PLD5: variants seen among roughly 807,000 people sequenced by gnomAD.
PLD5 encodes phospholipase D family member 5, also known as inactive phospholipase D5.
Under a neutral mutation model 61.1 loss-of-function variants are expected in PLD5, and 36 were observed. The ratio of observed to expected loss-of-function variants is 0.59; its 90% CI spans 0.45 to 0.78. The LOEUF (loss-of-function observed/expected upper bound fraction) is 0.78. PLD5 is among the 30% of genes least tolerant of loss of function. PLD5 has a pLI of 0.00. For synonymous variants in PLD5, 243 were observed against 242.8 expected (o/e 1.00, Z -0.01); for missense variants, 515 against 644.4 (o/e 0.80, Z 2.17).
At chr1:242,463,266 C>T (rs995407141) in intron 1 of PLD5, among the ~76,000 whole-genome samples, 4 of 152,222 alleles carry the variant, frequency 2.6e-5, no homozygotes, top group Non-Finnish European at 4.4e-5. Context: ...TCAGTAGAGA[C>T]ACTCGCTTGT....
chr1:242,509,862 G>T (rs913000290), intron 1 of PLD5, among the ~76,000 whole-genome samples: 4 of 152,158 alleles, frequency 2.6e-5, no homozygotes, highest in African/African-American at 4.8e-5. Flanking sequence ...CGAGCAGGCT[G>T]ATCAGTGTGG....
chr1:242,318,125 G>T (rs1658137519), intron 2 of PLD5, among the ~76,000 whole-genome samples: 1 of 152,230 alleles, frequency 6.6e-6, no homozygotes, highest in South Asian at 2.1e-4. Context: ...AACAAAAAGG[G>T]AGTAATAATG....
At chr1:242,248,421 T>G (rs1465217517) in intron 4 of PLD5, among the ~76,000 whole-genome samples, 1 of 151,926 alleles carries the variant, frequency 6.6e-6, no homozygotes, top group Non-Finnish European at 1.5e-5. Flanking sequence ...GTTCTGCACA[T>G]GTATCCCAGA....
chr1:242,513,043 C>A (rs978872776), intron 1 of PLD5, among the ~76,000 whole-genome samples: 2 of 151,898 alleles, frequency 1.3e-5, no homozygotes, highest in Non-Finnish European at 2.9e-5. Flanking sequence ...CCACGCCTGG[C>A]TAATTTTTTA....
rs917924296 is a variant in PLD5 at position 242,256,715 on chromosome 1, T to C, written c.607+8622A>G. On this transcript the variant is annotated intron_variant, in intron 4 of 9. Coordinates refer to ENST00000536534, the MANE Select transcript of PLD5 (RefSeq NM_001372062.1). This position sits in a 1 kb window ranked among gnomAD's most constrained non-coding sequence, Gnocchi z 5.7. The stretch of plus-strand genomic sequence containing the variant: ...TTCTTTATAAATTGCCCAGTCTCAG[T>C]TATTACAGCAGCACAAATGAACTAA... 2.0e-5 allele frequency among the ~76,000 whole-genome samples: 3 copies of C among 152,162 alleles called. No individual in the cohort carries two copies. The highest frequency in any genetic ancestry group is 6.5e-5 in the Admixed American group (1 of 15,268).
chr1:242,389,176 C>T (rs915211381), intron 1 of PLD5, among the ~76,000 whole-genome samples: 3 of 151,990 alleles, frequency 2.0e-5, no homozygotes, highest in Non-Finnish European at 4.4e-5. Flanking sequence ...CTGCAAGCCA[C>T]TTTTCAACTG....
intron 1 of PLD5, among the ~76,000 whole-genome samples, chr1:242,420,772 G>A (rs867518613): frequency 9.9e-5 from 15 of 152,136 alleles, no homozygotes; most frequent in African/African-American, 3.4e-4. Flanking sequence ...AAAGGTTCGA[G>A]AAATTCCTTT....
chr1:242,381,375 C>T (rs1662267228), intron 1 of PLD5, among the ~76,000 whole-genome samples: 1 of 152,040 alleles, frequency 6.6e-6, no homozygotes, highest in Admixed American at 6.6e-5. Flanking sequence ...GGAAACAACA[C>T]ACACTAGGGC....
chr1:242,415,441 C>T (rs1326259451), intron 1 of PLD5, among the ~76,000 whole-genome samples: 2 of 152,092 alleles, frequency 1.3e-5, no homozygotes, highest in Admixed American at 6.6e-5. Flanking sequence ...ATTGGCCTCC[C>T]CATTCCATCA....
rs374810811 is a variant in PLD5 at position 242,348,168 on chromosome 1, G to T, written c.264C>A (p.Ala88=). The change falls in exon 2 of 10, where the codon GCC becomes GCA. Residue 88 remains alanine (A), a synonymous_variant. Coordinates refer to ENST00000536534, the MANE Select transcript of PLD5 (RefSeq NM_001372062.1). The part of the protein sequence containing the change: ...FAILVALIFS[A]VDIMGEDEDG... ...CCTCATCCTCTCCCATGATGTCCAC[G>T]GCTGAAAAGATCAGTGCAACCAGAA... 5.6e-6 allele frequency: 9 copies of T among 1,613,494 alleles called. No homozygotes were observed. The highest frequency in any genetic ancestry group is 6.8e-6 in the Non-Finnish European group (8 of 1,179,852).
At chr1:242,100,598 G>T (rs1435747891) in intron 9 of PLD5, 70 bp downstream of exon 9, 2 of 1,141,506 alleles carry the variant, frequency 1.8e-6, no homozygotes, top group Admixed American at 1.8e-5. Context: ...AGGGGATACC[G>T]TGGAGCACAG....
intron 1 of PLD5, among the ~76,000 whole-genome samples, chr1:242,423,292 T>G (rs548974451): frequency 1.3e-5 from 2 of 151,808 alleles, no homozygotes; most frequent in South Asian, 4.2e-4. Flanking sequence ...ATCAGGAAAA[T>G]AGGACATAAA....
At chr1:242,179,912 C>G (rs1393760035) in intron 5 of PLD5, among the ~76,000 whole-genome samples, 2 of 107,046 alleles carry the variant, frequency 1.9e-5, no homozygotes, top group African/African-American at 8.4e-5. Flanking sequence ...CAAAACAAAA[C>G]CAAAATTGAG....
At chr1:242,158,432 C>A (rs1030057378) in intron 5 of PLD5, among the ~76,000 whole-genome samples, 1 of 152,090 alleles carries the variant, frequency 6.6e-6, no homozygotes, top group Non-Finnish European at 1.5e-5. Flanking sequence ...AACCCAGGGC[C>A]CTGGTGGGGT....
intron 2 of PLD5, among the ~76,000 whole-genome samples, chr1:242,298,291 G>A (rs907377959): frequency 1.3e-5 from 2 of 152,310 alleles, no homozygotes; most frequent in African/African-American, 4.8e-5. Context: ...TTTTCGGAGC[G>A]AGACAGTATG....
intron 5 of PLD5, among the ~76,000 whole-genome samples, chr1:242,210,031 G>A (rs1243399612): frequency 2.0e-5 from 3 of 152,126 alleles, no homozygotes; most frequent in African/African-American, 2.4e-5. Context: ...CTGACCTCAG[G>A]TGATCTGCCC....
chr1:242,138,120 G>A (rs748394625), intron 5 of PLD5, among the ~76,000 whole-genome samples: 6 of 152,122 alleles, frequency 3.9e-5, no homozygotes, highest in Non-Finnish European at 5.9e-5. Flanking sequence ...TTATAAAAAG[G>A]TGACGACTGC....
At chr1:242,220,712 T>TATTA (rs1558361405) in intron 4 of PLD5, among the ~76,000 whole-genome samples, 11 of 60,266 alleles carry the variant, frequency 1.8e-4, no homozygotes, top group African/African-American at 1.0e-3. Context: ...AATTTATATT[T>TATTA]TATTTTATTT....
At chr1:242,170,162 C>G (rs1321330693) in intron 5 of PLD5, among the ~76,000 whole-genome samples, 1 of 152,216 alleles carries the variant, frequency 6.6e-6, no homozygotes, top group Non-Finnish European at 1.5e-5. Flanking sequence ...GTGGGGCCAA[C>G]AGACACCTCA....
Sources: allele counts gnomAD v4.1 joint callset (sites outside exome capture counted in the v4.1 genomes callset), GRCh38; gene constraint gnomAD v4.1.1; non-coding constraint Gnocchi (gnomAD v3.1); transcripts MANE v1.5; gene names NCBI Gene and HGNC (gene_info 2026-07-23, HGNC 2026-07-21).